Variants in NPAS3 observed in about 807,000 individuals in gnomAD.
NPAS3 encodes the protein neuronal PAS domain protein 3, also known as neuronal PAS domain-containing protein 3.
In NPAS3, 14 loss-of-function variants were observed where a neutral mutation model predicts 73.1. The observed-to-expected ratio is 0.19, with a 90% confidence interval of 0.13 to 0.30. NPAS3 has a LOEUF of 0.30. Among genes scored for constraint, NPAS3 ranks in the 10% least tolerant of loss-of-function variants. The probability of loss-of-function intolerance (pLI) is 1.00; values close to 1 mark genes in which losing one functional copy is unlikely to be tolerated. For missense variants in NPAS3, 1,096 were observed against 1,250.0 expected (o/e 0.88, Z 1.86); for synonymous variants, 620 against 541.5 (o/e 1.14, Z -2.01).
At chr14:33,778,036 CCCAATAGAAGA>C (rs1403754991) in intron 8 of NPAS3, among the ~76,000 whole-genome samples, 1 of 152,158 alleles carries the variant, frequency 6.6e-6, no homozygotes. Flanking sequence ...CATGGAAATA[CCCAATAGAAGA>C]CCAATCTGTT....
At chr14:33,156,060 A>G (rs1303354817) in intron 2 of NPAS3, among the ~76,000 whole-genome samples, 2 of 152,200 alleles carry the variant, frequency 1.3e-5, no homozygotes, top group African/African-American at 4.8e-5. Flanking sequence ...CTAGGTGATG[A>G]AGTCTATGCA....
chr14:33,160,655 G>T (rs1397226073), intron 2 of NPAS3, among the ~76,000 whole-genome samples: 1 of 148,240 alleles, frequency 6.7e-6, no homozygotes, highest in African/African-American at 2.5e-5. Flanking sequence ...AAAAAAAAAA[G>T]AAAAGTCTGT....
intron 4 of NPAS3, among the ~76,000 whole-genome samples, chr14:33,532,562 A>G (rs934891795): frequency 1.3e-5 from 2 of 152,066 alleles, no homozygotes; most frequent in African/African-American, 4.8e-5. Flanking sequence ...GGGCTCATAA[A>G]TGGCTCAACC....
intron 2 of NPAS3, among the ~76,000 whole-genome samples, chr14:33,123,539 AAAG>A (rs1226095172): frequency 1.3e-5 from 2 of 152,112 alleles, no homozygotes; most frequent in African/African-American, 2.4e-5. Flanking sequence ...CTCAAAACCA[AAAG>A]AAGCAGTGGA....
intron 4 of NPAS3, among the ~76,000 whole-genome samples, chr14:33,461,539 G>A (rs146262286): frequency 4.1e-4 from 62 of 152,270 alleles, no homozygotes; most frequent in East Asian, 1.5e-3. Flanking sequence ...TATGAGTTCC[G>A]ACGGGAAAAT....
intron 4 of NPAS3, among the ~76,000 whole-genome samples, chr14:33,553,009 G>A (rs2055190527): frequency 6.6e-6 from 1 of 152,174 alleles, no homozygotes; most frequent in South Asian, 2.1e-4. Flanking sequence ...TGAGGCAAAA[G>A]GAGCCTGTGC....
chr14:33,711,644 A>G (rs2060821884), intron 6 of NPAS3, among the ~76,000 whole-genome samples: 1 of 152,210 alleles, frequency 6.6e-6, no homozygotes, highest in African/African-American at 2.4e-5. Context: ...CCCAAAGGAA[A>G]AGAAATCCTA....
At chr14:33,384,855 T>C (rs2046708971) in intron 4 of NPAS3, among the ~76,000 whole-genome samples, 1 of 152,220 alleles carries the variant, frequency 6.6e-6, no homozygotes, top group Non-Finnish European at 1.5e-5. Flanking sequence ...ATCTAGTTGA[T>C]GAAGTTTGTA....
In NPAS3 at chr14:33,287,909, A is replaced by G. The variant is rs1024906847; in HGVS notation, c.385+72483A>G. 1.9e-4 allele frequency among the ~76,000 whole-genome samples: 29 copies of G among 152,102 alleles called. 1 individual carries two copies. The highest frequency in any genetic ancestry group is 7.0e-4 in the African/African-American group (29 of 41,430). On this transcript the variant is annotated intron_variant, in intron 3 of 11. Transcript: ENST00000356141. Reference sequence around the variant, plus strand: ...ATGTTCTATTATTTTGTACTTGTCAACTTATTGTTTTATTATGTTTGCAAG... The same window carrying G: ...ATGTTCTATTATTTTGTACTTGTCAGCTTATTGTTTTATTATGTTTGCAAG...
At chr14:33,318,218 T>G (rs1722553192) in intron 3 of NPAS3, among the ~76,000 whole-genome samples, 1 of 152,068 alleles carries the variant, frequency 6.6e-6, no homozygotes, top group Admixed American at 6.6e-5. Context: ...TTGAGGACAT[T>G]ATGCTAAATG....
chr14:33,439,298 G>A (rs562262720), intron 4 of NPAS3, among the ~76,000 whole-genome samples: 7 of 152,310 alleles, frequency 4.6e-5, no homozygotes, highest in East Asian at 3.9e-4. Context: ...ATATTAGGAC[G>A]TTTCATACTG....
At chr14:33,338,374 C>G (rs1164882377) in intron 3 of NPAS3, among the ~76,000 whole-genome samples, 1 of 152,078 alleles carries the variant, frequency 6.6e-6, no homozygotes, top group African/African-American at 2.4e-5. Context: ...CTCAGTGGTT[C>G]CAAATCCATA....
chr14:33,389,787 C>G (rs575428003), intron 4 of NPAS3, among the ~76,000 whole-genome samples: 1 of 152,184 alleles, frequency 6.6e-6, no homozygotes, highest in East Asian at 1.9e-4. Flanking sequence ...CAGATTTTTA[C>G]AAATCAAACA....
intron 4 of NPAS3, among the ~76,000 whole-genome samples, chr14:33,531,210 A>G (rs1343642992): frequency 3.3e-5 from 5 of 152,062 alleles, no homozygotes; most frequent in African/African-American, 1.2e-4. Flanking sequence ...CTTTCCTTTA[A>G]AAATGATTTT....
rs7359053 is a variant in NPAS3 at position 33,026,293 on chromosome 14, C to G, written c.51-29612C>G. Among the ~76,000 whole-genome samples the G allele has an allele frequency of 5.3e-3, 811 of 152,292 alleles. 8 individuals are homozygous for G. The highest frequency in any genetic ancestry group is 0.018 in the African/African-American group (752 of 41,562). ...CTCAGATACCTCAAGTTTGGTTTGA[C>G]CTTTCTGTGTACCTCTTATCTTGCT... On this transcript the variant is annotated intron_variant, in intron 1 of 11. Transcript: ENST00000356141.
At chr14:33,407,600 G>T (rs2047724288) in intron 4 of NPAS3, among the ~76,000 whole-genome samples, 1 of 152,120 alleles carries the variant, frequency 6.6e-6, no homozygotes. Context: ...CTGATTCCTA[G>T]TCTATCATTC....
Position 33,509,012 on chromosome 14 carries a change from A to G in NPAS3, c.469-51109A>G, listed in dbSNP as rs536573464. On this transcript the variant is annotated intron_variant, in intron 4 of 11. Transcript: ENST00000356141. ...GGTGGCCTGTTTGTCCTTCTCAAGAAAGGTGTGGTTCTACTCAATATAACC... is the reference window on the plus strand; with the variant it reads ...GGTGGCCTGTTTGTCCTTCTCAAGAGAGGTGTGGTTCTACTCAATATAACC... Among the ~76,000 whole-genome samples the G allele has an allele frequency of 2.0e-5, 3 of 151,654 alleles. No individual in the cohort carries two copies. The East Asian group carries it at 5.9e-4, about 30-fold the overall frequency.
chr14:33,730,256 G>A (rs1419044671), intron 6 of NPAS3, among the ~76,000 whole-genome samples: 3 of 152,142 alleles, frequency 2.0e-5, no homozygotes, highest in Non-Finnish European at 4.4e-5. Flanking sequence ...ACAGTATATT[G>A]GCAACCTCAT....
intron 2 of NPAS3, among the ~76,000 whole-genome samples, chr14:33,182,094 T>C (rs929476367): frequency 1.3e-5 from 2 of 152,180 alleles, no homozygotes; most frequent in Admixed American, 1.3e-4. Context: ...CCAGGCTGTA[T>C]GCAGAGCAGT....
Sources: allele counts gnomAD v4.1 joint callset (sites outside exome capture counted in the v4.1 genomes callset), GRCh38; gene constraint gnomAD v4.1.1; transcripts MANE v1.5; gene names NCBI Gene and HGNC (gene_info 2026-07-23, HGNC 2026-07-21).